The following IMPG2 variants were observed in gnomAD, a reference collection of about 807,000 sequenced individuals.
IMPG2 encodes the protein IPM 200.
Under a neutral mutation model 129.2 loss-of-function variants are expected in IMPG2, and 91 were observed. The ratio of observed to expected loss-of-function variants is 0.70; its 90% confidence interval spans 0.59 to 0.84. The LOEUF (loss-of-function observed/expected upper bound fraction) is 0.84, where lower values mean the gene tolerates loss of function less well. Ranked by LOEUF, IMPG2 falls within the 40% of genes least tolerant of loss-of-function variation. The pLI, the probability that IMPG2 is intolerant of heterozygous loss-of-function variation, is 0.00. For synonymous variants in IMPG2, 510 were observed against 517.7 expected (o/e 0.99, Z 0.20); for missense variants, 1,430 against 1,461.7 (o/e 0.98, Z 0.35).
intron 2 of IMPG2, among the ~76,000 whole-genome samples, chr3:101,307,343 C>G (rs1199489234): frequency 6.6e-6 from 1 of 152,136 alleles, no homozygotes; most frequent in African/African-American, 2.4e-5. Flanking sequence ...AAAATATACA[C>G]CAATCCTATT....
At chr3:101,269,666 T>C in intron 7 of IMPG2, 93 bp from the exon 8 acceptor site, 7 of 778,930 alleles carry the variant, frequency 9.0e-6, no homozygotes, top group South Asian at 7.7e-5. Context: ...AAAAGTGAAC[T>C]GTTCACAACT....
intron 6 of IMPG2, among the ~76,000 whole-genome samples, chr3:101,275,333 T>C (rs1027001187): frequency 6.6e-6 from 1 of 152,164 alleles, no homozygotes. Flanking sequence ...AAGGCTAAGA[T>C]CTGGTCTATT....
chr3:101,228,462 G>A (rs143978681), intron 18 of IMPG2, among the ~76,000 whole-genome samples: 2 of 152,304 alleles, frequency 1.3e-5, no homozygotes, highest in African/African-American at 4.8e-5. Context: ...AAAAGACTAT[G>A]TGTAGTCCAG....
chr3:101,230,869 C>T, intron 16 of IMPG2, 88 bp downstream of exon 16: 1 of 1,200,526 alleles, frequency 8.3e-7, no homozygotes, highest in South Asian at 1.2e-5. Context: ...CAGCCAGCTC[C>T]TTGTCCAATA....
chr3:101,250,718 G>A (rs1366347461), intron 11 of IMPG2, among the ~76,000 whole-genome samples: 2 of 152,178 alleles, frequency 1.3e-5, no homozygotes, highest in East Asian at 3.8e-4. Context: ...AGACTTGGCA[G>A]TCCATGCTCT....
intron 10 of IMPG2, among the ~76,000 whole-genome samples, chr3:101,256,340 G>GCA (rs929593893): frequency 4.7e-5 from 7 of 150,388 alleles, no homozygotes; most frequent in Non-Finnish European, 8.9e-5. Context: ...ACACACAAAT[G>GCA]CACACACACA....
At chr3:101,233,128 C>A in intron 14 of IMPG2, 137 bp from the exon 15 acceptor site, 1 of 765,416 alleles carries the variant, frequency 1.3e-6, no homozygotes, top group Non-Finnish European at 2.2e-6. Context: ...ACCATCGCCA[C>A]CAATACCACA....
chr3:101,279,896 C>T (rs1706875429), intron 4 of IMPG2, among the ~76,000 whole-genome samples: 1 of 152,172 alleles, frequency 6.6e-6, no homozygotes, highest in South Asian at 2.1e-4. Flanking sequence ...ACCCACTCTC[C>T]TTTCAAGAGA....
intron 2 of IMPG2, among the ~76,000 whole-genome samples, chr3:101,309,474 C>A (rs1373634539): frequency 6.6e-6 from 1 of 152,078 alleles, no homozygotes; most frequent in African/African-American, 2.4e-5. Flanking sequence ...TAGAGAAGTG[C>A]TCTCTCTCAA....
At chr3:101,241,319 A>G (rs1397408710) in intron 14 of IMPG2, among the ~76,000 whole-genome samples, 1 of 152,242 alleles carries the variant, frequency 6.6e-6, no homozygotes, top group Non-Finnish European at 1.5e-5. Flanking sequence ...ACTGAGGCAC[A>G]TGGGTGAGCA....
intron 9 of IMPG2, among the ~76,000 whole-genome samples, chr3:101,261,260 T>TA (rs1023856527): frequency 4.0e-4 from 61 of 152,066 alleles, no homozygotes; most frequent in Middle Eastern, 3.4e-3. Flanking sequence ...GACTCTAAGA[T>TA]AAAAAAACTT....
At position 101,244,186 on chromosome 3, in the gene IMPG2, G is replaced by A. The variant is rs138035398; in HGVS notation, c.2145C>T (p.Tyr715=). ...HISEVPGVDD[Y]SVTKAPLILT... ...GTATAAGAGGTGCTTTGGTAACTGA[G>A]TAATCATCAACACCAGGTACTTCTG... Residue 715 remains tyrosine, a synonymous_variant, in exon 13 of 19, where the codon TAC becomes TAT. Coordinates refer to ENST00000193391, the MANE Select transcript of IMPG2 (RefSeq NM_016247.4). The A allele has an allele frequency of 9.3e-6, 15 of 1,613,918 alleles. No homozygotes were observed. The African/African-American group carries it at 1.6e-4, about 17-fold the overall frequency.
At position 101,228,735 on chromosome 3, in the gene IMPG2, A is replaced by G. The variant is rs1706249700; in HGVS notation, c.3713+62T>C. 3.1e-6 allele frequency: 4 copies of G among 1,274,274 alleles called. No homozygotes were observed. In the Admixed American group the frequency reaches 5.0e-5, roughly 16 times the overall value. The allele number at this position is 1,274,274 out of a possible 1,614,324, so 78.9% of individuals were successfully genotyped here. The stretch of plus-strand genomic sequence containing the variant: ...AATTATGTGCTCACTCAGGTGTGAC[A>G]TTACTCTAGAGTAAACTGTTAAGTC... On this transcript the variant is annotated intron_variant, in intron 18 of 18. Coordinates refer to ENST00000193391, the MANE Select transcript of IMPG2 (RefSeq NM_016247.4).
At chr3:101,234,045 T>C (rs1167840324) in intron 14 of IMPG2, among the ~76,000 whole-genome samples, 2 of 151,692 alleles carry the variant, frequency 1.3e-5, no homozygotes, top group Non-Finnish European at 2.9e-5. Context: ...TTTGGCTGCA[T>C]GTGGTAACAG....
chr3:101,232,408 T>C (rs1374608660), intron 15 of IMPG2, among the ~76,000 whole-genome samples: 1 of 152,004 alleles, frequency 6.6e-6, no homozygotes, highest in Non-Finnish European at 1.5e-5. Context: ...CAGCTAATTT[T>C]TGTATTTTTA....
intron 11 of IMPG2, among the ~76,000 whole-genome samples, chr3:101,251,590 C>T (rs955790063): frequency 2.6e-5 from 4 of 152,150 alleles, no homozygotes; most frequent in African/African-American, 9.7e-5. Flanking sequence ...ATTTCTGCTA[C>T]CGCCAATTGA....
At chr3:101,267,352 C>T (rs966643894) in intron 9 of IMPG2, among the ~76,000 whole-genome samples, 159 bp downstream of exon 9, 5 of 152,094 alleles carry the variant, frequency 3.3e-5, no homozygotes, top group African/African-American at 9.7e-5. Context: ...CTACCTGACT[C>T]TTAATAGAAA....
chr3:101,295,210 T>G (rs1231941797), intron 3 of IMPG2, among the ~76,000 whole-genome samples: 2 of 152,340 alleles, frequency 1.3e-5, no homozygotes, highest in East Asian at 3.9e-4. Flanking sequence ...TTTATGATTT[T>G]GGGTTTTACA....
intron 4 of IMPG2, among the ~76,000 whole-genome samples, chr3:101,283,219 T>A (rs185096938): frequency 1.4e-4 from 22 of 152,188 alleles, no homozygotes; most frequent in Admixed American, 1.0e-3. Context: ...GAGACGGGAT[T>A]TCACCATGTT....
Sources: allele counts gnomAD v4.1 joint callset (sites outside exome capture counted in the v4.1 genomes callset), GRCh38; gene constraint gnomAD v4.1.1; transcripts MANE v1.5; gene names NCBI Gene and HGNC (gene_info 2026-07-23, HGNC 2026-07-21).